Variants in PARG observed in about 807,000 individuals in gnomAD.
PARG encodes the protein mitochondrial poly(ADP-ribose) glycohydrolase.
Under a neutral mutation model 113.0 loss-of-function variants are expected in PARG, and 35 were observed. That is an observed-to-expected ratio of 0.31 (90% CI 0.24 to 0.41). The LOEUF is 0.41. Among genes scored for constraint, PARG ranks in the 10% least tolerant of loss-of-function variants. PARG has a pLI of 1.00. For synonymous variants in PARG, 330 were observed against 409.9 expected (o/e 0.81, Z 2.36); for missense variants, 797 against 1,169.4 (o/e 0.68, Z 4.64).
At chr10:49,853,352 A>G (rs1446440470) in intron 13 of PARG, among the ~76,000 whole-genome samples, 1 of 151,812 alleles carries the variant, frequency 6.6e-6, no homozygotes. Flanking sequence ...ACAATCTTTT[A>G]AAGTATTATT....
intron 7 of PARG, among the ~76,000 whole-genome samples, chr10:49,915,115 G>GA (rs1228214254): frequency 3.7e-5 from 5 of 136,416 alleles, no homozygotes; most frequent in Admixed American, 1.5e-4. Context: ...GAAAACAGAA[G>GA]AAAAAAAATG....
chr10:49,868,631 T>C (rs1158676051), intron 10 of PARG, among the ~76,000 whole-genome samples: 1 of 152,134 alleles, frequency 6.6e-6, no homozygotes, highest in African/African-American at 2.4e-5. Flanking sequence ...GACCCAGAAC[T>C]GAAAAAAAGC....
intron 8 of PARG, among the ~76,000 whole-genome samples, chr10:49,884,780 G>GAGGGTGAGGA (rs1554840104): frequency 6.9e-6 from 1 of 143,950 alleles, no homozygotes; most frequent in African/African-American, 2.6e-5. Flanking sequence ...GAATTTGGGG[G>GAGGGTGAGGA]AGGGTGAGGA....
At chr10:49,856,411 C>G (rs1203593073) in intron 13 of PARG, among the ~76,000 whole-genome samples, 1 of 151,940 alleles carries the variant, frequency 6.6e-6, no homozygotes, top group Non-Finnish European at 1.5e-5. Context: ...AACTCCTGAC[C>G]TCAGGCCATC....
intron 7 of PARG, among the ~76,000 whole-genome samples, chr10:49,888,344 C>T (rs1230263063): frequency 1.3e-5 from 2 of 151,874 alleles, no homozygotes; most frequent in African/African-American, 2.4e-5. Flanking sequence ...CCTGATGTTC[C>T]ATGATTCCTT....
chr10:49,932,827 T>TAA (rs1196090081), intron 3 of PARG, among the ~76,000 whole-genome samples: 15 of 127,184 alleles, frequency 1.2e-4, no homozygotes, highest in Non-Finnish European at 2.1e-4. Flanking sequence ...AAACAAAGTG[T>TAA]AAAAAAAAAA....
intron 4 of PARG, among the ~76,000 whole-genome samples, chr10:49,926,767 C>A (rs1589002816): frequency 6.6e-6 from 1 of 152,224 alleles, no homozygotes; most frequent in African/African-American, 2.4e-5. Flanking sequence ...TATATAACCC[C>A]CACGTATTGA....
At chr10:49,840,693 G>C (rs1554832085) in intron 15 of PARG, among the ~76,000 whole-genome samples, 1 of 152,106 alleles carries the variant, frequency 6.6e-6, no homozygotes, top group Non-Finnish European at 1.5e-5. Context: ...CAATAAATTA[G>C]ATTCTCCCAA....
rs1399812335 is a variant in PARG, at chr10:49,818,822, GA to G, written c.*517del. On this transcript the variant is annotated 3_prime_UTR_variant, in exon 18 of 18. Coordinates refer to ENST00000616448, the MANE Select transcript of PARG (RefSeq NM_003631.5). ...GAGGTTTGCATTATGCAACACATAT[GA>G]AAAAAACCCTAATTATTAATTTTCA... The G allele has an allele frequency of 6.6e-6, 1 of 152,282 alleles. No homozygotes were observed. Among genetic ancestry groups the G allele is most frequent in the Non-Finnish European group, 1.5e-5 (1 of 68,186 alleles). 9.4% of individuals were successfully genotyped at this position (152,282 alleles called of 1,614,324 possible). A position where few individuals can be genotyped will look rare whatever the true frequency, so the allele number is the denominator to read the frequency against.
intron 13 of PARG, among the ~76,000 whole-genome samples, chr10:49,849,839 C>T (rs1554833896): frequency 6.6e-6 from 1 of 151,392 alleles, no homozygotes; most frequent in Non-Finnish European, 1.5e-5. Context: ...AGAATGAGAC[C>T]TTGTCTCCAC....
At chr10:49,832,650 A>C (rs1324997788) in intron 16 of PARG, among the ~76,000 whole-genome samples, 153 bp downstream of exon 16, 3 of 152,338 alleles carry the variant, frequency 2.0e-5, no homozygotes, top group Non-Finnish European at 1.5e-5. Context: ...ATTCCTTCAA[A>C]CATAATAGGA....
At chr10:49,909,408 C>G (rs1303858307) in intron 7 of PARG, among the ~76,000 whole-genome samples, 5 of 151,850 alleles carry the variant, frequency 3.3e-5, no homozygotes, top group East Asian at 1.9e-4. Context: ...GATGCTCTGT[C>G]AATACATTAT....
intron 1 of PARG, among the ~76,000 whole-genome samples, chr10:49,938,668 C>T (rs1237281932): frequency 2.6e-5 from 4 of 151,832 alleles, no homozygotes; most frequent in Admixed American, 2.6e-4. Flanking sequence ...AACTCCCGGG[C>T]TCAAGTGATC....
Position 49,869,488 on chromosome 10 carries a change from C to T in PARG, c.2056G>A (p.Val686Ile). Reference protein sequence around the residue: ...LKTLFCYFRRVTEKKPTGLVT... With the variant: ...LKTLFCYFRRITEKKPTGLVT... ...GAAAGGAATTTACTTTTCTCTGTGA[C>T]TCTTCTAAAGTAGCAGAAGAGCGTT... is the stretch of plus-strand genomic sequence containing the variant. Residue 686 changes from valine to isoleucine, a missense_variant, in exon 10 of 18, where the codon GTC becomes ATC. Val to Ile is a conservative substitution (Grantham distance 29). Around this residue, in one of 5 missense-constraint regions of PARG, gnomAD observed 40 missense variants for 124.5 expected, o/e 0.32. Transcript: ENST00000616448. 2 of 823,670 alleles carry T rather than the reference C, an allele frequency of 2.4e-6. No homozygotes were observed. The highest frequency in any genetic ancestry group is 2.6e-5 in the East Asian group (1 of 37,908). 51.0% of individuals were successfully genotyped at this position (823,670 alleles called of 1,614,324 possible).
chr10:49,894,334 G>A (rs530372238), intron 7 of PARG, among the ~76,000 whole-genome samples: 17 of 151,836 alleles, frequency 1.1e-4, no homozygotes, highest in African/African-American at 3.9e-4. Context: ...GAGCCAATGC[G>A]CCTGGCATCC....
intron 8 of PARG, among the ~76,000 whole-genome samples, chr10:49,884,485 G>C (rs1847365364): frequency 6.6e-6 from 1 of 152,202 alleles, no homozygotes; most frequent in Non-Finnish European, 1.5e-5. Context: ...TGTAATCCCA[G>C]CTACTTGGGA....
intron 2 of PARG, among the ~76,000 whole-genome samples, chr10:49,934,723 C>T (rs1195389691): frequency 1.7e-3 from 255 of 152,090 alleles, no homozygotes; most frequent in African/African-American, 5.9e-3. Flanking sequence ...GTGGTGGGCG[C>T]CTGTAGTCCC....
rs1275440831 is a variant in PARG, at chr10:49,935,232, A to C, written c.218-90T>G. On this transcript the variant is annotated intron_variant, in intron 1 of 17. Coordinates refer to ENST00000616448, the MANE Select transcript of PARG (RefSeq NM_003631.5). ...TGCAAGGAACTATGCTAGGTTCTACAGGTTAAACAAAAGATTAATAACTCA... is the reference window on the plus strand; with the variant it reads ...TGCAAGGAACTATGCTAGGTTCTACCGGTTAAACAAAAGATTAATAACTCA... 92 of 609,336 alleles carry C rather than the reference A, an allele frequency of 1.5e-4. No homozygotes were observed. In the East Asian group the frequency reaches 2.2e-3, roughly 14 times the overall value. 37.7% of individuals were successfully genotyped at this position (609,336 alleles called of 1,614,324 possible). A position where few individuals can be genotyped will look rare whatever the true frequency, so the allele number is the denominator to read the frequency against.
At chr10:49,893,156 C>T (rs1847895391) in intron 7 of PARG, among the ~76,000 whole-genome samples, 1 of 116,462 alleles carries the variant, frequency 8.6e-6, no homozygotes, top group East Asian at 3.1e-4. Context: ...TAAAAAACAG[C>T]CAGACCCTTT....
Sources: gnomAD v4.1 joint callset for allele counts (sites outside exome capture counted in the v4.1 genomes callset) on GRCh38, gnomAD v4.1.1 for gene constraint, gnomAD v4.1.1 regional missense constraint, MANE v1.5 for transcripts, NCBI Gene and HGNC (gene_info 2026-07-23, HGNC 2026-07-21) for gene names.